The following RHAG variants were observed in gnomAD, a reference collection of about 807,000 sequenced individuals.
The protein encoded by RHAG is ammonium transporter Rh type A.
In RHAG, 25 loss-of-function variants were observed where a neutral mutation model predicts 42.4. The ratio of observed to expected loss-of-function variants is 0.59; its 90% CI spans 0.43 to 0.82. The LOEUF is 0.82. RHAG is among the 40% of genes least tolerant of loss of function. RHAG has a pLI of 0.00. For synonymous variants in RHAG, 182 were observed against 177.7 expected (o/e 1.02, Z -0.19); for missense variants, 483 against 504.6 (o/e 0.96, Z 0.41).
chr6:49,613,739 GCAGACA>G (rs1309374200), intron 5 of RHAG, among the ~76,000 whole-genome samples: 1 of 152,124 alleles, frequency 6.6e-6, no homozygotes, highest in African/African-American at 2.4e-5. Flanking sequence ...TGAACTAATT[GCAGACA>G]CATAAAAGTT....
At chr6:49,628,658 G>C (rs144002195) in intron 1 of RHAG, among the ~76,000 whole-genome samples, 11 of 150,018 alleles carry the variant, frequency 7.3e-5, no homozygotes, top group African/African-American at 2.5e-4. Flanking sequence ...GGAGTTGTTC[G>C]TTCCTCCTGG....
At chr6:49,622,304 C>T (rs1762770857) in intron 1 of RHAG, among the ~76,000 whole-genome samples, 1 of 151,438 alleles carries the variant, frequency 6.6e-6, no homozygotes, top group Non-Finnish European at 1.5e-5. Flanking sequence ...GCAAGCTCCA[C>T]CTCCCGGGCT....
intron 1 of RHAG, among the ~76,000 whole-genome samples, chr6:49,622,764 A>G (rs1056644693): frequency 1.1e-4 from 17 of 152,142 alleles, no homozygotes; most frequent in African/African-American, 4.1e-4. Flanking sequence ...CTAATTTCAT[A>G]ATTTCTGTTA....
chr6:49,612,712 C>T (rs1762587753), intron 5 of RHAG, among the ~76,000 whole-genome samples, 178 bp from the exon 6 acceptor site: 1 of 152,168 alleles, frequency 6.6e-6, no homozygotes, highest in African/African-American at 2.4e-5. Flanking sequence ...AAGAAGTTGA[C>T]ATTTGGTATC....
At chr6:49,632,751 T>C (rs1762952752) in intron 1 of RHAG, among the ~76,000 whole-genome samples, 3 of 152,148 alleles carry the variant, frequency 2.0e-5, no homozygotes, top group Admixed American at 6.5e-5. Flanking sequence ...ATTAAATACC[T>C]GGCATCTGTG....
chr6:49,633,820 G>A (rs1403359599), intron 1 of RHAG, among the ~76,000 whole-genome samples: 2 of 151,946 alleles, frequency 1.3e-5, no homozygotes, highest in East Asian at 1.9e-4. Flanking sequence ...ATCTTGCTTC[G>A]TTTACAGCCA....
At position 49,631,649 on chromosome 6, in the gene RHAG, A is replaced by G. The variant is rs558819955; in HGVS notation, c.157+5007T>C. ...TCTTTGCCCCAACCTGGAACCAGCA[A>G]TTTCTCCAATGAGTCCCTGAGTGGG... On this transcript the variant is annotated intron_variant, in intron 1 of 9. Coordinates refer to ENST00000371175, the MANE Select transcript of RHAG (RefSeq NM_000324.3). Among the ~76,000 whole-genome samples, 210 of 152,248 alleles carry G rather than the reference A, an allele frequency of 1.4e-3. 1 individual carries two copies. The highest frequency in any genetic ancestry group is 5.0e-3 in the South Asian group (24 of 4,826).
At position 49,619,217 on chromosome 6, in the gene RHAG, C is replaced by T. The variant is rs537279841; in HGVS notation, c.303G>A (p.Leu101=). 6.2e-7 allele frequency: 1 copy of T among 1,614,078 alleles called. No homozygotes were observed. Among genetic ancestry groups the T allele is most frequent in the South Asian group, 1.1e-5 (1 of 91,072 alleles). ...LQWGTIVQGI[L]QSQGQKFNIG... ...TGTTAAATTTCTGTCCCTGGCTTTG[C>T]AGGATTCCCTGTACAATAGTGCCCC... Residue 101 remains leucine, a synonymous_variant, in exon 2 of 10, where the codon CTG becomes CTA. Transcript: ENST00000371175.
intron 1 of RHAG, among the ~76,000 whole-genome samples, chr6:49,631,085 G>A (rs1762927973): frequency 6.6e-6 from 1 of 152,132 alleles, no homozygotes. Flanking sequence ...AGATAGTATT[G>A]TGTACTTCCC....
At chr6:49,632,954 C>T (rs1762955296) in intron 1 of RHAG, among the ~76,000 whole-genome samples, 2 of 152,040 alleles carry the variant, frequency 1.3e-5, no homozygotes, top group Admixed American at 1.3e-4. Flanking sequence ...TGGAGTATAG[C>T]TAGTTTATCA....
At position 49,606,935 on chromosome 6, in the gene RHAG, G is replaced by C. The variant is rs745385789; in HGVS notation, c.1139-14C>G. 6.3e-7 allele frequency: 1 copy of C among 1,587,550 alleles called. No individual in the cohort carries two copies. The highest frequency in any genetic ancestry group is 8.7e-7 in the Non-Finnish European group (1 of 1,156,038). ...TTAGAATTAAACCTGTGACGGTAGA[G>C]GGAAAATGAGTCATGTTGTGACGCT... On this transcript the variant is annotated splice_polypyrimidine_tract_variant and intron_variant, in intron 8 of 9. Transcript: ENST00000371175.
At chr6:49,624,674 A>T (rs1445573248) in intron 1 of RHAG, among the ~76,000 whole-genome samples, 5 of 152,328 alleles carry the variant, frequency 3.3e-5, no homozygotes, top group Non-Finnish European at 5.9e-5. Context: ...CCATGAGGGC[A>T]TGTGTTTTAT....
chr6:49,617,233 A>G (rs2127352919), intron 3 of RHAG, among the ~76,000 whole-genome samples: 1 of 152,308 alleles, frequency 6.6e-6, no homozygotes, highest in African/African-American at 2.4e-5. Flanking sequence ...ACTTCTAGGT[A>G]TCTTTTAGGT....
chr6:49,609,452 T>C (rs1762530751), intron 7 of RHAG, among the ~76,000 whole-genome samples: 1 of 152,196 alleles, frequency 6.6e-6, no homozygotes, highest in African/African-American at 2.4e-5. Flanking sequence ...CCTCTTAGGG[T>C]GTTTGCACAG....
At chr6:49,615,885 G>A in intron 3 of RHAG, 114 bp from the exon 4 acceptor site, 2 of 1,037,960 alleles carry the variant, frequency 1.9e-6, no homozygotes, top group East Asian at 4.9e-5. Context: ...AAATTAAAGA[G>A]GGACAGAAAG....
At chr6:49,628,239 C>G (rs1394370072) in intron 1 of RHAG, among the ~76,000 whole-genome samples, 2 of 151,968 alleles carry the variant, frequency 1.3e-5, no homozygotes, top group African/African-American at 4.8e-5. Context: ...TCACTACAGC[C>G]TTGACCTCCT....
At chr6:49,625,527 C>T (rs564883625) in intron 1 of RHAG, among the ~76,000 whole-genome samples, 42 of 152,218 alleles carry the variant, frequency 2.8e-4, no homozygotes, top group African/African-American at 7.2e-4. Context: ...AAAATTTGTT[C>T]TACTTTTCTG....
chr6:49,618,165 A>G lies in RHAG; in HGVS notation c.395T>C (p.Val132Ala), dbSNP rs768279818. ...TTGGGTGGGGCTCGTTTTTCCCAGG[A>G]CAGCTCCAAAAGATATCAGAACTGT... is the stretch of plus-strand genomic sequence containing the variant. ...AATVLISFGAVLGKTSPTQML... is the reference protein window; with the variant it reads ...AATVLISFGAALGKTSPTQML... The change falls in exon 3 of 10, where the codon GTC (valine) becomes GCC (alanine). Residue 132 changes from valine to alanine, a missense_variant. Physicochemically the swap from Val to Ala is moderately conservative, Grantham distance 64. Transcript: ENST00000371175. The G allele has an allele frequency of 1.9e-6, 3 of 1,614,160 alleles. No homozygotes were observed. Among genetic ancestry groups the G allele is most frequent in the Non-Finnish European group, 2.5e-6 (3 of 1,180,022 alleles).
At chr6:49,627,231 A>G (rs1324023793) in intron 1 of RHAG, among the ~76,000 whole-genome samples, 2 of 152,120 alleles carry the variant, frequency 1.3e-5, no homozygotes, top group Non-Finnish European at 2.9e-5. Context: ...AATTTTCTAA[A>G]CTTTTATGCT....
Sources: allele counts gnomAD v4.1 joint callset (sites outside exome capture counted in the v4.1 genomes callset), GRCh38; gene constraint gnomAD v4.1.1; transcripts MANE v1.5; gene names NCBI Gene and HGNC (gene_info 2026-07-23, HGNC 2026-07-21).